Variants in CDCP1 observed in about 807,000 individuals in gnomAD.
The protein encoded by CDCP1 is CUB domain-containing protein 1.
A neutral mutation model predicts 60.2 loss-of-function variants in CDCP1; 29 were observed. That is an observed-to-expected ratio of 0.48 (90% CI 0.36 to 0.66). The LOEUF (loss-of-function observed/expected upper bound fraction) is 0.66. CDCP1 is among the 30% of genes least tolerant of loss of function. CDCP1 has a pLI of 0.00. For missense variants in CDCP1, 876 were observed against 1,074.3 expected (o/e 0.82, Z 2.58); for synonymous variants, 387 against 431.1 (o/e 0.90, Z 1.27).
Position 45,091,350 on chromosome 3 carries a change from T to C in CDCP1, c.1816A>G (p.Met606Val), listed in dbSNP as rs542306283. Reference sequence around the variant, plus strand: ...CGGGTCCGCTGCTCCTGGATGATCATGAATGCGCGCCCTGTCTGGCAGACC... The same window carrying C: ...CGGGTCCGCTGCTCCTGGATGATCACGAATGCGCGCCCTGTCTGGCAGACC... ...GVVCQTGRAFMIIQEQRTRAE... is the reference protein window; with the variant it reads ...GVVCQTGRAFVIIQEQRTRAE... The change falls in exon 7 of 9, where the codon ATG becomes GTG. Residue 606 changes from methionine to valine, a missense_variant. Coordinates refer to ENST00000296129, the MANE Select transcript of CDCP1 (RefSeq NM_022842.5). This position sits in a 1 kb window ranked among gnomAD's most constrained non-coding sequence, Gnocchi z 4.8. 6 of 1,614,158 alleles carry C rather than the reference T, an allele frequency of 3.7e-6. No homozygotes were observed. Among genetic ancestry groups the C allele is most frequent in the African/African-American group, 2.7e-5 (2 of 75,028 alleles).
At chr3:45,088,164 A>G (rs1404367826) in intron 8 of CDCP1, among the ~76,000 whole-genome samples, 3 of 152,232 alleles carry the variant, frequency 2.0e-5, no homozygotes, top group Non-Finnish European at 2.9e-5. Flanking sequence ...CTCTGTCTAA[A>G]AAGGTCAACA....
At chr3:45,103,841 T>G (rs868622305) in intron 4 of CDCP1, among the ~76,000 whole-genome samples, 4 of 152,234 alleles carry the variant, frequency 2.6e-5, no homozygotes, top group African/African-American at 7.2e-5. Context: ...TCTTGGACTT[T>G]CCAGTCACCA....
intron 1 of CDCP1, among the ~76,000 whole-genome samples, chr3:45,141,187 T>A (rs1453121600): frequency 6.8e-6 from 1 of 148,124 alleles, no homozygotes; most frequent in Non-Finnish European, 1.5e-5. Context: ...GGCAACAGAG[T>A]AAGACTCCGT....
chr3:45,109,091 A>T (rs1489564410), intron 4 of CDCP1, among the ~76,000 whole-genome samples: 1 of 150,866 alleles, frequency 6.6e-6, no homozygotes, highest in Non-Finnish European at 1.5e-5. Flanking sequence ...TTGGGATTAC[A>T]GGTGCGCGCC....
At chr3:45,131,939 A>C (rs1699102860) in intron 1 of CDCP1, among the ~76,000 whole-genome samples, 1 of 152,176 alleles carries the variant, frequency 6.6e-6, no homozygotes, top group Non-Finnish European at 1.5e-5. Context: ...TTTGGCGATT[A>C]AGAGCCATGT....
In CDCP1 at chr3:45,137,230, G is replaced by A. The variant is rs1250545742; in HGVS notation, c.82+8976C>T. 3.3e-5 allele frequency among the ~76,000 whole-genome samples: 5 copies of A among 152,098 alleles called. No homozygotes were observed. In the South Asian group the frequency reaches 8.3e-4, roughly 25 times the overall value. On this transcript the variant is annotated intron_variant, in intron 1 of 8. Coordinates refer to ENST00000296129, the MANE Select transcript of CDCP1 (RefSeq NM_022842.5). Reference sequence around the variant, plus strand: ...CTATTTCATTTTATTTTGCCAAAAGGTTGCATGCCATATGTACTGTTCTGA... The same window carrying A: ...CTATTTCATTTTATTTTGCCAAAAGATTGCATGCCATATGTACTGTTCTGA...
intron 8 of CDCP1, among the ~76,000 whole-genome samples, chr3:45,088,681 G>C (rs954314648): frequency 6.6e-6 from 1 of 152,110 alleles, no homozygotes; most frequent in African/African-American, 2.4e-5. Flanking sequence ...TCTCCTTAGG[G>C]TGACGGAGGG....
chr3:45,105,319 A>G (rs559576919), intron 4 of CDCP1, among the ~76,000 whole-genome samples: 2 of 152,308 alleles, frequency 1.3e-5, no homozygotes, highest in South Asian at 2.1e-4. Context: ...TTTAAGACTC[A>G]TGGAACACAA....
intron 1 of CDCP1, among the ~76,000 whole-genome samples, chr3:45,125,605 T>C (rs1240505830): frequency 6.6e-6 from 1 of 152,246 alleles, no homozygotes; most frequent in Non-Finnish European, 1.5e-5. Context: ...TTACAACTAC[T>C]ACTAGCAGCG....
rs1698157282 is a variant in CDCP1, at chr3:45,084,602, T to C, written c.*1036A>G. 1 of 152,426 alleles carries C rather than the reference T, an allele frequency of 6.6e-6. No individual in the cohort carries two copies. Among genetic ancestry groups the C allele is most frequent in the Admixed American group, 6.5e-5 (1 of 15,280 alleles). 9.4% of individuals were successfully genotyped at this position (152,426 alleles called of 1,614,324 possible). On this transcript the variant is annotated 3_prime_UTR_variant, in exon 9 of 9. Coordinates refer to ENST00000296129, the MANE Select transcript of CDCP1 (RefSeq NM_022842.5). ...AAATGGCAAGGAACCGGCTTCTCCC[T>C]AGAGCCTTCAGAAGGAGCACAGCTC...
chr3:45,138,858 A>G (rs1455517137), intron 1 of CDCP1, among the ~76,000 whole-genome samples: 1 of 152,204 alleles, frequency 6.6e-6, no homozygotes, highest in Non-Finnish European at 1.5e-5. Flanking sequence ...AAGAAAAAAA[A>G]GAAGAAAGAA....
rs1279841369 is a variant in CDCP1, at chr3:45,146,211, C to T, written c.77G>A (p.Gly26Glu). 1 of 1,594,086 alleles carries T rather than the reference C, an allele frequency of 6.3e-7. No individual in the cohort carries two copies. The highest frequency in any genetic ancestry group is 8.5e-7 in the Non-Finnish European group (1 of 1,172,682). ...LLLGAARLPR[G>E]AEAFEIALPR... is the part of the protein sequence containing the mutation. ...CTCCAAAGCCCGGCACTCACCTGCC[C>T]CGCGCGGCAGGCGCGCCGCACCCAG... is the stretch of plus-strand genomic sequence containing the variant. Residue 26 changes from glycine to glutamate, a missense_variant, in exon 1 of 9, where the codon GGG becomes GAG. Physicochemically the swap from Gly to Glu is moderately conservative, Grantham distance 98. Around this residue, in one of 2 missense-constraint regions of CDCP1, gnomAD observed 150 missense variants for 138.6 expected, o/e 1.08. Coordinates refer to ENST00000296129, the MANE Select transcript of CDCP1 (RefSeq NM_022842.5).
intron 4 of CDCP1, among the ~76,000 whole-genome samples, chr3:45,097,062 CT>C (rs1464001820): frequency 1.3e-5 from 2 of 152,144 alleles, no homozygotes; most frequent in Non-Finnish European, 2.9e-5. Flanking sequence ...AATCCCAGCA[CT>C]TTCAGAGGCT....
chr3:45,136,822 T>C (rs1030575775), intron 1 of CDCP1, among the ~76,000 whole-genome samples: 3 of 152,210 alleles, frequency 2.0e-5, no homozygotes, highest in African/African-American at 7.2e-5. Flanking sequence ...TTTTAAAATA[T>C]CTTAGAGGCA....
chr3:45,094,073 G>A (rs981010801), intron 5 of CDCP1, among the ~76,000 whole-genome samples: 6 of 152,080 alleles, frequency 3.9e-5, no homozygotes, highest in Non-Finnish European at 8.8e-5. Flanking sequence ...ATGTTAGTTC[G>A]TCTTCTGGCT....
rs1004656493 is a variant in CDCP1, at chr3:45,091,819, C to T, written c.1628-281G>A. Among the ~76,000 whole-genome samples, 2 of 152,214 alleles carry T rather than the reference C, an allele frequency of 1.3e-5. No homozygotes were observed. The highest frequency in any genetic ancestry group is 4.8e-5 in the African/African-American group (2 of 41,464). ...TAGTTATTTTTGAGAGGGAGTCTCA[C>T]TCTGTTGCCCAGGCTAGAGTGCAGT... On this transcript the variant is annotated intron_variant, in intron 6 of 8. Coordinates refer to ENST00000296129, the MANE Select transcript of CDCP1 (RefSeq NM_022842.5). This position sits in a 1 kb window ranked among gnomAD's most constrained non-coding sequence, Gnocchi z 4.8.
At chr3:45,090,729 TC>T (rs1369695882) in intron 7 of CDCP1, among the ~76,000 whole-genome samples, 1 of 152,182 alleles carries the variant, frequency 6.6e-6, no homozygotes, top group East Asian at 1.9e-4. Flanking sequence ...ATATGCCTCC[TC>T]CAGTCTCTTG....
At chr3:45,095,224 G>T in intron 5 of CDCP1, 123 bp downstream of exon 5, 1 of 851,014 alleles carries the variant, frequency 1.2e-6, no homozygotes, top group Non-Finnish European at 1.9e-6. Context: ...GTGAGCCATC[G>T]TGCCCGGCCA....
chr3:45,096,842 C>T (rs1698407439), intron 4 of CDCP1, among the ~76,000 whole-genome samples: 1 of 151,980 alleles, frequency 6.6e-6, no homozygotes, highest in Admixed American at 6.6e-5. Context: ...ACTGTGGTTA[C>T]CCCAGAGGAG....
Sources: gnomAD v4.1 joint callset for allele counts (sites outside exome capture counted in the v4.1 genomes callset) on GRCh38, gnomAD v4.1.1 for gene constraint, gnomAD v4.1.1 regional missense constraint, Gnocchi (gnomAD v3.1) non-coding constraint, MANE v1.5 for transcripts, NCBI Gene and HGNC (gene_info 2026-07-23, HGNC 2026-07-21) for gene names.